IRAG2: variants seen among roughly 807,000 people sequenced by gnomAD.
IRAG2 encodes the protein lymphoid restricted membrane protein.
Under a neutral mutation model 69.9 loss-of-function variants are expected in IRAG2, and 45 were observed. The ratio of observed to expected loss-of-function variants is 0.64; its 90% CI spans 0.51 to 0.83. IRAG2 has a LOEUF of 0.83. IRAG2 is among the 40% of genes least tolerant of loss of function. The pLI is 0.00. For synonymous variants in IRAG2, 193 were observed against 202.4 expected (o/e 0.95, Z 0.40); for missense variants, 520 against 587.0 (o/e 0.89, Z 1.18).
chr12:25,076,252 T>C (rs1333072647), intron 6 of IRAG2: 1 of 200,930 alleles, frequency 5.0e-6, no homozygotes, highest in Non-Finnish European at 8.9e-6. Flanking sequence ...CTTACCTTGC[T>C]ACTGTTCCAC....
intron 7 of IRAG2, chr12:25,021,091 C>CTTTTTTTTTTTTTTTTTT (rs71063389): frequency 4.1e-5 from 11 of 266,020 alleles, no homozygotes; most frequent in East Asian, 5.7e-5. Flanking sequence ...TCTTTCTTTT[C>CTTTTTTTTTTTTTTTTTT]TTTTTTTTTT....
At chr12:25,105,225 C>T (rs991232215) in intron 20 of IRAG2, among the ~76,000 whole-genome samples, 9 of 151,952 alleles carry the variant, frequency 5.9e-5, no homozygotes, top group Admixed American at 2.0e-4. Flanking sequence ...TACAGGCGCC[C>T]GCCACCACGC....
At chr12:25,022,931 G>T (rs149288054) in intron 7 of IRAG2, among the ~76,000 whole-genome samples, 1 of 152,158 alleles carries the variant, frequency 6.6e-6, no homozygotes, top group Non-Finnish European at 1.5e-5. Flanking sequence ...TTCGAGGCCA[G>T]CCTGGCCAAC....
chr12:25,051,348 A>G (rs893280366), upstream of IRAG2, among the ~76,000 whole-genome samples: 1 of 152,158 alleles, frequency 6.6e-6, no homozygotes, highest in East Asian at 1.9e-4. Flanking sequence ...GCCAGTGTGC[A>G]GTGGCATTCT....
chr12:25,057,736 T>C (rs533785782), intron 1 of IRAG2, among the ~76,000 whole-genome samples: 1 of 152,324 alleles, frequency 6.6e-6, no homozygotes, highest in South Asian at 2.1e-4. Context: ...ACGGAATTTC[T>C]ATCACCCCAG....
At position 25,107,067 on chromosome 12, in the gene IRAG2, A is replaced by G; in HGVS notation, c.1256+17A>G. The G allele has an allele frequency of 7.1e-7, 1 of 1,403,290 alleles. No individual in the cohort carries two copies. Among genetic ancestry groups the G allele is most frequent in the Non-Finnish European group, 1.0e-6 (1 of 998,106 alleles). 86.9% of individuals were successfully genotyped at this position (1,403,290 alleles called of 1,614,324 possible). The stretch of plus-strand genomic sequence containing the variant: ...CTCTTCAGTGTAAGTTATCTACTTG[A>G]TAAATTCTACCATTTTAGTGGAATG... On this transcript the variant is annotated intron_variant, in intron 21 of 21. Transcript: ENST00000556887.
intron 16 of IRAG2, among the ~76,000 whole-genome samples, chr12:25,044,217 A>G (rs1214993294): frequency 6.6e-6 from 1 of 152,142 alleles, no homozygotes; most frequent in African/African-American, 2.4e-5. Context: ...ATAGACTATT[A>G]TAAGATGTTT....
chr12:25,105,139 C>T (rs57579413), intron 20 of IRAG2, among the ~76,000 whole-genome samples: 10,730 of 143,698 alleles, frequency 0.075, 415 homozygotes, highest in South Asian at 0.14. Flanking sequence ...TGCAGTGGCG[C>T]GATCTTAGCT....
intron 6 of IRAG2, among the ~76,000 whole-genome samples, chr12:25,076,885 AT>A (rs565836600): frequency 1.3e-5 from 2 of 149,116 alleles, no homozygotes; most frequent in African/African-American, 4.9e-5. Flanking sequence ...CTTTCTTTTC[AT>A]TTTTTTTAAA....
At chr12:25,082,757 T>C (rs1195760599) in intron 9 of IRAG2, among the ~76,000 whole-genome samples, 1 of 152,232 alleles carries the variant, frequency 6.6e-6, no homozygotes, top group Non-Finnish European at 1.5e-5. Context: ...ACGCTTTAAA[T>C]ATTTTTCTCT....
rs1785064086 is a variant in IRAG2, at chr12:25,104,407, C to T, written c.1093C>T (p.Arg365Ter). The T allele has an allele frequency of 3.1e-6, 5 of 1,613,462 alleles. No individual in the cohort carries two copies. Among genetic ancestry groups the T allele is most frequent in the Non-Finnish European group, 4.2e-6 (5 of 1,179,532 alleles). The part of the protein sequence containing the change: ...KQSEHRPSLP[R>*]FISTYSWADA... Reference sequence around the variant, plus strand: ...GAGTGAACACCGTCCCTCATTACCTCGATTTATTAGCACCTATTCCTGGGC... The same window carrying T: ...GAGTGAACACCGTCCCTCATTACCTTGATTTATTAGCACCTATTCCTGGGC... The change falls in exon 20 of 22, where the codon CGA becomes TGA. Residue 365 changes from arginine (R) to a stop codon, truncating the protein, a stop_gained. Transcript: ENST00000556887. LOFTEE classifies it high-confidence loss of function.
chr12:25,050,103 G>C (rs1372555141), upstream of IRAG2, among the ~76,000 whole-genome samples: 1 of 151,508 alleles, frequency 6.6e-6, no homozygotes, highest in African/African-American at 2.4e-5. Flanking sequence ...ATCCAGCCTG[G>C]GTGACAGAGT....
chr12:25,035,262 T>C (rs1471580744), intron 13 of IRAG2, among the ~76,000 whole-genome samples: 1 of 152,338 alleles, frequency 6.6e-6, no homozygotes, highest in Admixed American at 6.5e-5. Context: ...AAACATCATA[T>C]GGTCTTTTAT....
chr12:25,033,992 C>G (rs1944687913), intron 13 of IRAG2: 1 of 398,648 alleles, frequency 2.5e-6, no homozygotes, highest in Non-Finnish European at 4.4e-6. Flanking sequence ...GATAACTACC[C>G]CATGTGATAG....
At chr12:25,018,302 G>A (rs1796197257) in intron 6 of IRAG2, among the ~76,000 whole-genome samples, 2 of 145,546 alleles carry the variant, frequency 1.4e-5, no homozygotes, top group South Asian at 2.2e-4. Context: ...CTAGGCTCAA[G>A]TGATCTTCTG....
intron 9 of IRAG2, among the ~76,000 whole-genome samples, chr12:25,027,158 G>C (rs2139842739): frequency 6.6e-6 from 1 of 151,800 alleles, no homozygotes; most frequent in South Asian, 2.1e-4. Flanking sequence ...CCAAAATCAA[G>C]TTTAAAACAT....
chr12:25,017,348 T>A (rs1040450842), intron 6 of IRAG2: 48 of 1,207,998 alleles, frequency 4.0e-5, no homozygotes, highest in Admixed American at 3.0e-4. Context: ...TTTCTTTTTT[T>A]AAAAAACCTT....
At chr12:25,067,934 G>A (rs1053456053) in intron 5 of IRAG2, among the ~76,000 whole-genome samples, 34 of 152,104 alleles carry the variant, frequency 2.2e-4, no homozygotes, top group African/African-American at 6.7e-4. Flanking sequence ...TCTGCCTCCC[G>A]GGTTCAAGCA....
intron 15 of IRAG2, among the ~76,000 whole-genome samples, chr12:25,100,269 G>A (rs1191467499): frequency 1.3e-5 from 2 of 152,056 alleles, no homozygotes; most frequent in Non-Finnish European, 2.9e-5. Flanking sequence ...GATGTGGGGA[G>A]ATTGCAAACA....
Sources: gnomAD v4.1 joint callset for allele counts (sites outside exome capture counted in the v4.1 genomes callset) on GRCh38, gnomAD v4.1.1 for gene constraint, MANE v1.5 for transcripts, NCBI Gene and HGNC (gene_info 2026-07-23, HGNC 2026-07-21) for gene names.